Variants in SPHKAP observed in about 807,000 individuals in gnomAD.
SPHKAP encodes the protein A-kinase anchor protein SPHKAP.
In SPHKAP, 67 loss-of-function variants were observed where a neutral mutation model predicts 137.5. The ratio of observed to expected loss-of-function variants is 0.49; its 90% CI spans 0.40 to 0.60. The LOEUF (loss-of-function observed/expected upper bound fraction) is 0.60, where lower values mean the gene tolerates loss of function less well. Ranked by LOEUF, SPHKAP falls within the 20% of genes least tolerant of loss-of-function variation. SPHKAP has a pLI of 0.00. For synonymous variants in SPHKAP, 813 were observed against 785.3 expected, an observed-to-expected ratio of 1.04 and a Z score of -0.59; for missense variants, 2,097 against 2,069.3, an observed-to-expected ratio of 1.01 and a Z score of -0.26.
chr2:228,111,354 T>G lies in SPHKAP; in HGVS notation c.139-2415A>C, dbSNP rs189180217. On this transcript the variant is annotated intron_variant, in intron 2 of 11. Coordinates refer to ENST00000392056, the MANE Select transcript of SPHKAP (RefSeq NM_001142644.2). ...TGGTGGGATCACTGAGGGTATTCAG[T>G]GAGATGATATATGTGAAACACTGTG... 5.9e-5 allele frequency among the ~76,000 whole-genome samples: 9 copies of G among 152,172 alleles called. No homozygotes were observed. In the East Asian group the frequency reaches 1.5e-3, roughly 26 times the overall value.
chr2:228,093,878 A>T (rs977257454), intron 3 of SPHKAP, among the ~76,000 whole-genome samples: 23 of 150,860 alleles, frequency 1.5e-4, no homozygotes, highest in African/African-American at 5.3e-4. Context: ...AAAAAAAAAA[A>T]AAAAAAAACA....
chr2:228,025,776 ATAAAG>A (rs1695011523), intron 4 of SPHKAP: 1 of 796,392 alleles, frequency 1.3e-6, no homozygotes, highest in Non-Finnish European at 1.5e-6. Context: ...CAAAGTAAAC[ATAAAG>A]TAAACATTAT....
intron 2 of SPHKAP, among the ~76,000 whole-genome samples, chr2:228,114,425 G>A (rs549376887): frequency 6.6e-6 from 1 of 152,230 alleles, no homozygotes; most frequent in African/African-American, 2.4e-5. Context: ...AGAAGACAGT[G>A]ACTGGTGATT....
intron 2 of SPHKAP, among the ~76,000 whole-genome samples, chr2:228,119,252 A>G (rs1416880976): frequency 6.6e-6 from 1 of 152,132 alleles, no homozygotes; most frequent in African/African-American, 2.4e-5. Context: ...TGGGAAATGA[A>G]GGTTCCCAGT....
intron 1 of SPHKAP, among the ~76,000 whole-genome samples, chr2:228,150,857 C>A (rs1559201560): frequency 1.3e-5 from 2 of 151,868 alleles, no homozygotes; most frequent in African/African-American, 2.4e-5. Flanking sequence ...CTCAAGCAAT[C>A]CTCATACCTC....
At chr2:228,111,656 C>G (rs976444595) in intron 2 of SPHKAP, among the ~76,000 whole-genome samples, 2 of 151,988 alleles carry the variant, frequency 1.3e-5, no homozygotes, top group East Asian at 1.9e-4. Context: ...TATATTTTTA[C>G]TTTTTCATTT....
chr2:228,012,354 T>C (rs1694420236), intron 7 of SPHKAP, among the ~76,000 whole-genome samples: 1 of 152,114 alleles, frequency 6.6e-6, no homozygotes, highest in African/African-American at 2.4e-5. Context: ...CCAGGATTTC[T>C]AGGTGATTCA....
chr2:228,017,310 A>G lies in SPHKAP; in HGVS notation c.3544T>C (p.Ser1182Pro). 1 of 1,613,934 alleles carries G rather than the reference A, an allele frequency of 6.2e-7. No individual in the cohort carries two copies. The highest frequency in any genetic ancestry group is 1.6e-4 in the Middle Eastern group (1 of 6,062). The change falls in exon 7 of 12, where the codon TCT (serine) becomes CCT (proline). Residue 1182 changes from serine (S) to proline (P), a missense_variant. Physicochemically the swap from Ser to Pro is moderately conservative, Grantham distance 74. Coordinates refer to ENST00000392056, the MANE Select transcript of SPHKAP (RefSeq NM_001142644.2). ...ATGCTCTCTGTGCTGGACTGCTTAG[A>G]GGGACAGCTAGGCCTCACACTGAGG... Reference protein sequence around the residue: ...DHLSVRPSCPSKQSSTESITE... With the variant: ...DHLSVRPSCPPKQSSTESITE...
chr2:228,174,538 C>T (rs28579524), intron 1 of SPHKAP, among the ~76,000 whole-genome samples: 17,828 of 152,100 alleles, frequency 0.12, 1,067 homozygotes, highest in East Asian at 0.2. Context: ...TTTGACAAGT[C>T]GTTTAACTTT....
chr2:228,127,295 C>T (rs578214614), intron 2 of SPHKAP, among the ~76,000 whole-genome samples: 1 of 152,148 alleles, frequency 6.6e-6, no homozygotes, highest in Non-Finnish European at 1.5e-5. Flanking sequence ...AAAGAATTAG[C>T]TTGCAATATT....
At position 228,017,337 on chromosome 2, in the gene SPHKAP, G is replaced by A. The variant is rs775776228; in HGVS notation, c.3517C>T (p.His1173Tyr). 32 of 1,613,698 alleles carry A rather than the reference G, an allele frequency of 2.0e-5. No individual in the cohort carries two copies. In the Admixed American group the frequency reaches 4.3e-4, roughly 22 times the overall value. The change falls in exon 7 of 12, where the codon CAC (histidine) becomes TAC (tyrosine). Residue 1173 changes from histidine to tyrosine, a missense_variant. Transcript: ENST00000392056. ...AMQQACRKSD[H>Y]LSVRPSCPSK... Reference sequence around the variant, plus strand: ...GGACAGCTAGGCCTCACACTGAGGTGGTCACTTTTCCGGCACGCCTGTTGC... The same window carrying A: ...GGACAGCTAGGCCTCACACTGAGGTAGTCACTTTTCCGGCACGCCTGTTGC...
intron 1 of SPHKAP, among the ~76,000 whole-genome samples, chr2:228,162,641 T>C (rs975367954): frequency 6.6e-6 from 1 of 152,190 alleles, no homozygotes; most frequent in African/African-American, 2.4e-5. Flanking sequence ...GGTAACAGGA[T>C]GGGAGGGACA....
intron 3 of SPHKAP, among the ~76,000 whole-genome samples, chr2:228,087,948 A>G (rs558472271): frequency 5.6e-4 from 85 of 152,318 alleles, no homozygotes; most frequent in Admixed American, 1.6e-3. Context: ...TGTTTCAAAA[A>G]GCAATATTTT....
intron 11 of SPHKAP, among the ~76,000 whole-genome samples, chr2:227,984,965 A>C (rs1693162047): frequency 6.6e-6 from 1 of 152,088 alleles, no homozygotes; most frequent in Admixed American, 6.5e-5. Context: ...TTTATCTCTG[A>C]GTCATTTTCT....
intron 1 of SPHKAP, chr2:228,132,443 A>G (rs549461408): frequency 9.3e-4 from 531 of 568,500 alleles, no homozygotes; most frequent in Non-Finnish European, 1.1e-3. Context: ...TCAGCTCTGA[A>G]AACACCAACA....
intron 3 of SPHKAP, among the ~76,000 whole-genome samples, chr2:228,099,394 G>T (rs1007551699): frequency 2.0e-5 from 3 of 152,088 alleles, no homozygotes; most frequent in South Asian, 2.1e-4. Flanking sequence ...GTCTGTTTTT[G>T]TACCAGTACC....
At chr2:227,986,502 T>C (rs1559333146) in intron 11 of SPHKAP, among the ~76,000 whole-genome samples, 1 of 152,084 alleles carries the variant, frequency 6.6e-6, no homozygotes, top group African/African-American at 2.4e-5. Context: ...CACCAAAGTC[T>C]CACAAATCAC....
chr2:228,123,382 G>T (rs4264556), intron 2 of SPHKAP, among the ~76,000 whole-genome samples: 2 of 151,998 alleles, frequency 1.3e-5, no homozygotes, highest in African/African-American at 2.4e-5. Context: ...GGTCAGAAGA[G>T]AGTGTTTGAG....
chr2:228,061,911 T>C (rs936029227), intron 3 of SPHKAP, among the ~76,000 whole-genome samples: 2 of 152,158 alleles, frequency 1.3e-5, no homozygotes, highest in Non-Finnish European at 2.9e-5. Flanking sequence ...GCCTGTGAGA[T>C]AAGGAATATC....
Sources: allele counts gnomAD v4.1 joint callset (sites outside exome capture counted in the v4.1 genomes callset), GRCh38; gene constraint gnomAD v4.1.1; transcripts MANE v1.5; gene names NCBI Gene and HGNC (gene_info 2026-07-23, HGNC 2026-07-21).